Variants in WDPCP observed in about 807,000 individuals in gnomAD.
WDPCP encodes the protein WD repeat containing planar cell polarity effector, also known as WD repeat-containing and planar cell polarity effector protein fritz homolog.
Under a neutral mutation model 93.1 loss-of-function variants are expected in WDPCP, and 71 were observed. The ratio of observed to expected loss-of-function variants is 0.76; its 90% CI spans 0.63 to 0.93. The LOEUF is 0.93. Ranked by LOEUF, WDPCP falls within the 40% of genes least tolerant of loss-of-function variation. The probability of loss-of-function intolerance (pLI) is 0.00; values close to 1 mark genes in which losing one functional copy is unlikely to be tolerated. For missense variants in WDPCP, 844 were observed against 887.4 expected, an observed-to-expected ratio of 0.95 and a Z score of 0.62; for synonymous variants, 315 against 315.0, an observed-to-expected ratio of 1.00 and a Z score of 0.00.
chr2:63,484,684 A>C, intron 5 of WDPCP, 21 bp from the exon 6 acceptor site: 1 of 1,612,686 alleles, frequency 6.2e-7, no homozygotes, highest in Non-Finnish European at 8.5e-7. Flanking sequence ...ACAGAAAAAG[A>C]GAGAGCGTAG....
At chr2:63,594,763 C>G in intron 3 of WDPCP, 2 of 526,108 alleles carry the variant, frequency 3.8e-6, no homozygotes, top group Middle Eastern at 1.0e-3. Flanking sequence ...CGCCTCCAGG[C>G]ACTGAAAACA....
upstream of WDPCP, among the ~76,000 whole-genome samples, chr2:63,832,080 G>C (rs562627469): frequency 1.6e-4 from 24 of 152,260 alleles, no homozygotes; most frequent in African/African-American, 5.8e-4. Flanking sequence ...AGCTTATCTG[G>C]GTGATTCTTC....
At chr2:63,545,394 GAC>G (rs1477697559) in intron 1 of WDPCP, among the ~76,000 whole-genome samples, 1 of 151,754 alleles carries the variant, frequency 6.6e-6, no homozygotes, top group Non-Finnish European at 1.5e-5. Flanking sequence ...GAAAAAAAGA[GAC>G]AGATGAATGA....
In WDPCP at chr2:63,473,195, C is replaced by T. The variant is rs571304709; in HGVS notation, c.384+11409G>A. Among the ~76,000 whole-genome samples, 14 of 152,232 alleles carry T rather than the reference C, an allele frequency of 9.2e-5. No homozygotes were observed. In the South Asian group the frequency reaches 2.7e-3, roughly 29 times the overall value. ...GAACTGTCAAACATCAGTATGTATA[C>T]GTTTTACTCTGGGAAGAATAATCTA... On this transcript the variant is annotated intron_variant, in intron 6 of 17. Coordinates refer to ENST00000272321, the MANE Select transcript of WDPCP (RefSeq NM_015910.7).
At chr2:63,180,560 TAC>T (rs2104081521) in intron 14 of WDPCP, among the ~76,000 whole-genome samples, 1 of 152,298 alleles carries the variant, frequency 6.6e-6, no homozygotes, top group African/African-American at 2.4e-5. Flanking sequence ...ACATATATAC[TAC>T]ATTTTCTGTA....
chr2:63,128,595 T>A (rs973527185), intron 17 of WDPCP, among the ~76,000 whole-genome samples: 3 of 152,348 alleles, frequency 2.0e-5, no homozygotes, highest in African/African-American at 7.2e-5. Flanking sequence ...CAGAACTTTT[T>A]AATCATTCAA....
chr2:63,593,666 G>T, upstream of WDPCP: 1 of 471,508 alleles, frequency 2.1e-6, no homozygotes. Flanking sequence ...CATTTACCCA[G>T]CATTATCGGG....
chr2:63,558,590 A>G lies in WDPCP; in HGVS notation c.75+29607T>C, dbSNP rs927891886. On this transcript the variant is annotated intron_variant, in intron 1 of 17. Coordinates refer to ENST00000272321, the MANE Select transcript of WDPCP (RefSeq NM_015910.7). ...AGAGAATAATCAAATAGAATAAAAA[A>G]TGATAAAGGGGAGCTCACCACTGAC... 5.3e-5 allele frequency among the ~76,000 whole-genome samples: 8 copies of G among 152,238 alleles called. No individual in the cohort carries two copies. In the South Asian group the frequency reaches 8.3e-4, roughly 16 times the overall value.
chr2:63,664,437 G>A (rs1710262041), intron 2 of WDPCP, among the ~76,000 whole-genome samples: 1 of 152,168 alleles, frequency 6.6e-6, no homozygotes, highest in Non-Finnish European at 1.5e-5. Flanking sequence ...CAGCTCTGCT[G>A]CAACTGCCCC....
chr2:63,409,482 A>G (rs147536412), intron 9 of WDPCP, among the ~76,000 whole-genome samples: 1,952 of 152,276 alleles, frequency 0.013, 26 homozygotes, highest in Non-Finnish European at 0.02. Flanking sequence ...AACAGGACAC[A>G]ACAAGGCTCT....
chr2:63,552,368 GTAA>G (rs1705742944), intron 1 of WDPCP, among the ~76,000 whole-genome samples: 1 of 151,870 alleles, frequency 6.6e-6, no homozygotes, highest in African/African-American at 2.4e-5. Flanking sequence ...CCAGAAAGCA[GTAA>G]TAAAATGCCA....
intron 2 of WDPCP, among the ~76,000 whole-genome samples, chr2:63,683,332 A>C (rs1256753794): frequency 6.6e-6 from 1 of 152,188 alleles, no homozygotes; most frequent in Non-Finnish European, 1.5e-5. Context: ...AAACCCACTA[A>C]TCTATTACCT....
intron 6 of WDPCP, among the ~76,000 whole-genome samples, chr2:63,454,332 A>T (rs918942888): frequency 9.9e-5 from 15 of 151,620 alleles, no homozygotes; most frequent in Non-Finnish European, 2.1e-4. Flanking sequence ...GGTGGGCAAC[A>T]TCCCACACTG....
At chr2:63,516,052 T>C (rs1279647022) in intron 1 of WDPCP, among the ~76,000 whole-genome samples, 1 of 151,796 alleles carries the variant, frequency 6.6e-6, no homozygotes, top group Non-Finnish European at 1.5e-5. Context: ...AATCACCATA[T>C]AAGGTAGTAT....
intron 17 of WDPCP, among the ~76,000 whole-genome samples, chr2:63,140,461 G>A (rs182550043): frequency 3.0e-4 from 46 of 151,886 alleles, no homozygotes; most frequent in African/African-American, 9.7e-4. Context: ...ATGTGTTTCC[G>A]TTTGTTTGCG....
At chr2:63,780,041 T>C (rs1489477085) in intron 2 of WDPCP, among the ~76,000 whole-genome samples, 2 of 152,196 alleles carry the variant, frequency 1.3e-5, no homozygotes, top group Non-Finnish European at 1.5e-5. Flanking sequence ...ATTCCTGTTC[T>C]CAGGTTTTTC....
intron 2 of WDPCP, among the ~76,000 whole-genome samples, chr2:63,793,224 T>C (rs1670568437): frequency 6.6e-6 from 1 of 152,094 alleles, no homozygotes; most frequent in South Asian, 2.1e-4. Context: ...TGGGCTCAAG[T>C]GATCCTCTTG....
At chr2:63,160,273 A>T (rs1672556314) in intron 15 of WDPCP, among the ~76,000 whole-genome samples, 1 of 152,174 alleles carries the variant, frequency 6.6e-6, no homozygotes, top group Non-Finnish European at 1.5e-5. Flanking sequence ...ATTTAGATAT[A>T]CTGTAATTTA....
intron 2 of WDPCP, among the ~76,000 whole-genome samples, chr2:63,491,141 T>G (rs2105939951): frequency 6.6e-6 from 1 of 152,330 alleles, no homozygotes; most frequent in South Asian, 2.1e-4. Context: ...CTTCAAATGT[T>G]TTCTGAAGCT....
Sources: gnomAD v4.1 joint callset for allele counts (sites outside exome capture counted in the v4.1 genomes callset) on GRCh38, gnomAD v4.1.1 for gene constraint, MANE v1.5 for transcripts, NCBI Gene and HGNC (gene_info 2026-07-23, HGNC 2026-07-21) for gene names.